PTPRT: variants seen among roughly 807,000 people sequenced by gnomAD.
The protein encoded by PTPRT is protein tyrosine phosphatase receptor type T, also known as receptor-type tyrosine-protein phosphatase T.
Under a neutral mutation model 176.8 loss-of-function variants are expected in PTPRT, and 56 were observed. The observed-to-expected ratio is 0.32, with a 90% CI of 0.26 to 0.40. The LOEUF (loss-of-function observed/expected upper bound fraction) is 0.40, where lower values mean the gene tolerates loss of function less well. Among genes scored for constraint, PTPRT ranks in the 10% least tolerant of loss-of-function variants. The probability of loss-of-function intolerance (pLI) is 1.00; values close to 1 mark genes in which losing one functional copy is unlikely to be tolerated. For synonymous variants in PTPRT, 783 were observed against 739.0 expected (o/e 1.06, Z -0.96); for missense variants, 1,540 against 1,908.2 (o/e 0.81, Z 3.60).
Position 42,124,603 on chromosome 20 carries a change from C to T in PTPRT, c.2847+4151G>A, listed in dbSNP as rs376513890. Among the ~76,000 whole-genome samples, 21 of 152,296 alleles carry T rather than the reference C, an allele frequency of 1.4e-4. No individual in the cohort carries two copies. In the East Asian group the frequency reaches 2.7e-3, roughly 20 times the overall value. ...AAGATCCAATTGTAGAGAAATGATT[C>T]TAGCATGGGCAGTTAGCTCTTTAGA... is the stretch of plus-strand genomic sequence containing the variant. On this transcript the variant is annotated intron_variant, in intron 19 of 30. Coordinates refer to ENST00000373187, the MANE Select transcript of PTPRT (RefSeq NM_007050.6).
In PTPRT at chr20:42,690,395, A is replaced by C. The variant is rs573282630; in HGVS notation, c.860-12236T>G. On this transcript the variant is annotated intron_variant, in intron 6 of 30. Transcript: ENST00000373187. ...CATTGAGGAAAGAAATGATGGAGGC[A>C]TAACTCAAGTAATGGCCACGGGGCT... is the stretch of plus-strand genomic sequence containing the variant. Among the ~76,000 whole-genome samples the C allele has an allele frequency of 1.3e-3, 193 of 152,350 alleles. 1 individual carries two copies. Among genetic ancestry groups the C allele is most frequent in the Admixed American group, 9.8e-4 (15 of 15,306 alleles).
intron 7 of PTPRT, among the ~76,000 whole-genome samples, chr20:42,482,890 C>T (rs2032915465): frequency 6.6e-6 from 1 of 152,090 alleles, no homozygotes; most frequent in Admixed American, 6.5e-5. Context: ...TAATTCCTGC[C>T]TCCTTTGCAC....
intron 1 of PTPRT, among the ~76,000 whole-genome samples, chr20:42,922,582 A>G (rs1321727560): frequency 1.3e-5 from 2 of 152,180 alleles, no homozygotes; most frequent in Non-Finnish European, 2.9e-5. Context: ...GTGCCTCAGC[A>G]TCCCTTGTAG....
At chr20:42,832,700 GAAAA>G (rs60235829) in intron 2 of PTPRT, among the ~76,000 whole-genome samples, 1 of 75,512 alleles carries the variant, frequency 1.3e-5, no homozygotes, top group Non-Finnish European at 2.7e-5. Flanking sequence ...AATACAGAAA[GAAAA>G]AAAAAAAAAG....
chr20:42,678,451 C>A (rs1401979546), intron 6 of PTPRT, among the ~76,000 whole-genome samples: 1 of 152,124 alleles, frequency 6.6e-6, no homozygotes, highest in Non-Finnish European at 1.5e-5. Flanking sequence ...CAGGCACCTG[C>A]CACCACGGCT....
intron 1 of PTPRT, among the ~76,000 whole-genome samples, chr20:43,168,538 G>A (rs561986725): frequency 6.6e-6 from 1 of 152,260 alleles, no homozygotes; most frequent in South Asian, 2.1e-4. Context: ...ATGCTGATAT[G>A]AATCTCTCAT....
intron 15 of PTPRT, among the ~76,000 whole-genome samples, chr20:42,233,335 C>T (rs1293572249): frequency 6.6e-6 from 1 of 152,192 alleles, no homozygotes; most frequent in African/African-American, 2.4e-5. Context: ...CTCACATGAC[C>T]ATTTCTCACC....
At chr20:42,047,107 G>T in the PTPRT span, among the ~76,000 whole-genome samples, 1 of 152,180 alleles carries the variant, frequency 6.6e-6, no homozygotes, top group Non-Finnish European at 1.5e-5. Flanking sequence ...CAAGTAACTT[G>T]TTGGGGGTTA....
At chr20:42,512,231 T>G (rs913302544) in intron 7 of PTPRT, among the ~76,000 whole-genome samples, 3 of 152,226 alleles carry the variant, frequency 2.0e-5, no homozygotes, top group African/African-American at 7.2e-5. Context: ...GGATACAGCA[T>G]GGTTTCATCA....
chr20:42,624,005 C>CAAAAAACAAACAAACAAACA (rs1159094345), intron 7 of PTPRT, among the ~76,000 whole-genome samples: 1 of 135,686 alleles, frequency 7.4e-6, no homozygotes, highest in African/African-American at 3.2e-5. Context: ...AAAACAATAG[C>CAAAAAACAAACAAACAAACA]AACAAACAAA....
At chr20:43,179,259 C>G (rs75953427) in intron 1 of PTPRT, among the ~76,000 whole-genome samples, 6,488 of 152,226 alleles carry the variant, frequency 0.043, 191 homozygotes, top group Non-Finnish European at 0.066. Flanking sequence ...TCAGGCATGA[C>G]GTGTTTCAAT....
chr20:42,990,326 T>C (rs558264550), intron 1 of PTPRT, among the ~76,000 whole-genome samples: 5 of 152,202 alleles, frequency 3.3e-5, no homozygotes, highest in Non-Finnish European at 1.5e-5. Flanking sequence ...AGATACTGCA[T>C]TGAGGATTTG....
At chr20:42,987,750 C>T (rs796769789) in intron 1 of PTPRT, among the ~76,000 whole-genome samples, 3 of 152,250 alleles carry the variant, frequency 2.0e-5, no homozygotes, top group African/African-American at 7.2e-5. Context: ...CAAAATTCAC[C>T]CATACAGATA....
intron 21 of PTPRT, among the ~76,000 whole-genome samples, 173 bp from the exon 22 acceptor site, chr20:42,115,488 G>A (rs936058385): frequency 3.3e-5 from 5 of 152,202 alleles, no homozygotes; most frequent in African/African-American, 1.2e-4. Flanking sequence ...TCAGCAAGCT[G>A]CACAGGGCCA....
intron 16 of PTPRT, among the ~76,000 whole-genome samples, chr20:42,164,079 A>ACT (rs1600616402): frequency 1.3e-5 from 2 of 152,272 alleles, no homozygotes; most frequent in East Asian, 3.9e-4. Flanking sequence ...GTCATGCCAT[A>ACT]CTCTATGATT....
In PTPRT at chr20:42,549,190, C is replaced by T. The variant is rs59638780; in HGVS notation, c.1154-76628G>A. 2.9e-3 allele frequency among the ~76,000 whole-genome samples: 442 copies of T among 151,868 alleles called. 5 individuals carry two copies. The highest frequency in any genetic ancestry group is 9.6e-3 in the African/African-American group (399 of 41,392). On this transcript the variant is annotated intron_variant, in intron 7 of 30. Coordinates refer to ENST00000373187, the MANE Select transcript of PTPRT (RefSeq NM_007050.6). ...GGTGATTTGGAGACAGTCTGCTCACCGATTACGGGGTAATGGATAACAAAA... is the reference window on the plus strand; with the variant it reads ...GGTGATTTGGAGACAGTCTGCTCACTGATTACGGGGTAATGGATAACAAAA...
chr20:42,236,941 A>G (rs2056256133), intron 14 of PTPRT, among the ~76,000 whole-genome samples: 2 of 151,966 alleles, frequency 1.3e-5, no homozygotes, highest in East Asian at 1.9e-4. Context: ...CAAGCTGGGG[A>G]AAAAAAAGAA....
chr20:42,771,575 A>G (rs947908202), intron 4 of PTPRT, 25 bp from the exon 5 acceptor site: 1 of 1,591,166 alleles, frequency 6.3e-7, no homozygotes, highest in Admixed American at 1.7e-5. Flanking sequence ...AAAGAACACA[A>G]GAGAATGAGA....
intron 1 of PTPRT, among the ~76,000 whole-genome samples, chr20:43,103,403 T>C (rs1398756309): frequency 2.0e-5 from 3 of 152,190 alleles, no homozygotes; most frequent in Non-Finnish European, 2.9e-5. Context: ...GACAAATCTC[T>C]TTCCCAAGAA....
Sources: allele counts gnomAD v4.1 joint callset (sites outside exome capture counted in the v4.1 genomes callset), GRCh38; gene constraint gnomAD v4.1.1; transcripts MANE v1.5; gene names NCBI Gene and HGNC (gene_info 2026-07-23, HGNC 2026-07-21).